Variants in GARNL3 observed in about 807,000 individuals in gnomAD.
The protein encoded by GARNL3 is GTPase-activating Rap/Ran-GAP domain-like protein 3.
GARNL3 carries 63 observed loss-of-function variants against 125.0 expected under a neutral mutation model. That is an observed-to-expected ratio of 0.50 (90% CI 0.41 to 0.62). GARNL3 has a LOEUF of 0.62. Among genes scored for constraint, GARNL3 ranks in the 20% least tolerant of loss-of-function variants. The pLI is 0.00. For missense variants in GARNL3, 994 were observed against 1,244.0 expected (o/e 0.80, Z 3.02); for synonymous variants, 439 against 457.5 (o/e 0.96, Z 0.52).
chr9:127,357,529 T>C, intron 21 of GARNL3, 152 bp downstream of exon 21: 1 of 747,644 alleles, frequency 1.3e-6, no homozygotes, highest in Non-Finnish European at 2.1e-6. Context: ...GACTGAGCCA[T>C]GTGAAGTTAC....
At chr9:127,341,661 A>G (rs1236881832) in intron 13 of GARNL3, among the ~76,000 whole-genome samples, 1 of 152,192 alleles carries the variant, frequency 6.6e-6, no homozygotes, top group East Asian at 1.9e-4. Flanking sequence ...AGGGGCCGCT[A>G]AAGACCTGTA....
At chr9:127,367,179 G>A (rs1330074260) in intron 22 of GARNL3, 3 of 152,106 alleles carry the variant, frequency 2.0e-5, no homozygotes, top group African/African-American at 4.8e-5. Flanking sequence ...CTCTCCCCAC[G>A]GTCATCCAGG....
upstream of GARNL3, among the ~76,000 whole-genome samples, chr9:127,260,718 C>T (rs760314879): frequency 5.3e-5 from 8 of 152,136 alleles, no homozygotes; most frequent in East Asian, 5.8e-4. Flanking sequence ...CAAAAACAAG[C>T]GCTGGGCTGA....
At position 127,266,768 on chromosome 9, in the gene GARNL3, C is replaced by T. The variant is rs962516150; in HGVS notation, c.144+1747C>T. On this transcript the variant is annotated intron_variant, in intron 1 of 27. Coordinates refer to ENST00000373387, the MANE Select transcript of GARNL3 (RefSeq NM_032293.5). This position sits in a 1 kb window ranked among gnomAD's most constrained non-coding sequence, Gnocchi z 4.0. ...TTCAGTAGCAAAAGTAGAGCCTTGA[C>T]TGTCAGGTGAACACTTTGGACTTGG... Among the ~76,000 whole-genome samples the T allele has an allele frequency of 6.6e-6, 1 of 152,226 alleles. No homozygotes were observed. The highest frequency in any genetic ancestry group is 1.5e-5 in the Non-Finnish European group (1 of 68,046).
chr9:127,312,189 A>G (rs991832710), intron 3 of GARNL3, among the ~76,000 whole-genome samples: 6 of 152,204 alleles, frequency 3.9e-5, no homozygotes, highest in African/African-American at 1.4e-4. Flanking sequence ...TCATTCATAC[A>G]TTCAACCATG....
At chr9:127,260,261 T>C (rs2779732), upstream of GARNL3, among the ~76,000 whole-genome samples, 92,431 of 152,040 alleles carry the variant, frequency 0.61, 30,969 homozygotes, top group Admixed American at 0.75. Context: ...TTAACAGGTT[T>C]CCCAGGATTC....
intron 2 of GARNL3, among the ~76,000 whole-genome samples, chr9:127,296,955 A>G (rs2064617301): frequency 6.6e-6 from 1 of 152,020 alleles, no homozygotes; most frequent in Admixed American, 6.6e-5. Context: ...CCTCCTTAGA[A>G]CAAAAGATGT....
chr9:127,290,998 T>A (rs1168818180), intron 1 of GARNL3, among the ~76,000 whole-genome samples, 170 bp from the exon 2 acceptor site: 1 of 152,242 alleles, frequency 6.6e-6, no homozygotes. Context: ...CCAAGGACAG[T>A]GGGAGCCAAC....
chr9:127,348,774 T>C (rs1041222104), intron 16 of GARNL3, 150 bp from the exon 17 acceptor site: 2 of 541,606 alleles, frequency 3.7e-6, no homozygotes, highest in Non-Finnish European at 3.2e-6. Flanking sequence ...GAAAGGTAAT[T>C]GAGTCCAGAC....
intron 1 of GARNL3, among the ~76,000 whole-genome samples, chr9:127,284,080 A>ATGTGGCTCTCG (rs1418602436): frequency 6.6e-6 from 1 of 152,134 alleles, no homozygotes; most frequent in Admixed American, 6.5e-5. Context: ...TGTGGCTCTC[A>ATGTGGCTCTCG]TGTGGCTCTC....
At chr9:127,328,569 T>C (rs1564144297) in intron 7 of GARNL3, among the ~76,000 whole-genome samples, 1 of 152,280 alleles carries the variant, frequency 6.6e-6, no homozygotes, top group East Asian at 1.9e-4. Flanking sequence ...CAAGCTGTAC[T>C]ACACATGGAG....
At chr9:127,324,125 C>T (rs1284444321) in intron 6 of GARNL3, among the ~76,000 whole-genome samples, 1 of 152,086 alleles carries the variant, frequency 6.6e-6, no homozygotes, top group Non-Finnish European at 1.5e-5. Context: ...ATGGTACACA[C>T]CCATAGTCCC....
chr9:127,298,651 C>T (rs1228858088), intron 2 of GARNL3, among the ~76,000 whole-genome samples: 3 of 152,010 alleles, frequency 2.0e-5, no homozygotes, highest in Non-Finnish European at 4.4e-5. Context: ...AAGTTTTATG[C>T]GAGACTGGTT....
chr9:127,338,052 C>T (rs1829648397), intron 11 of GARNL3, 64 bp from the exon 12 acceptor site: 1 of 1,226,434 alleles, frequency 8.2e-7, no homozygotes, highest in Non-Finnish European at 1.2e-6. Flanking sequence ...AAGGGATTTT[C>T]AGAGCGCAAG....
At chr9:127,228,821 GTTGT>G (rs900499074) in intron 1 of GARNL3, among the ~76,000 whole-genome samples, 8 of 151,828 alleles carry the variant, frequency 5.3e-5, no homozygotes, top group South Asian at 2.1e-4. Flanking sequence ...ATACTTTTTT[GTTGT>G]TTGTTTGTTT....
At chr9:127,355,036 G>A (rs1435799281) in intron 19 of GARNL3, among the ~76,000 whole-genome samples, 4 of 152,170 alleles carry the variant, frequency 2.6e-5, no homozygotes, top group Middle Eastern at 3.2e-3. Flanking sequence ...CAGGTTATTC[G>A]CCCGCCTCGG....
chr9:127,286,905 C>T (rs757713182), intron 1 of GARNL3, among the ~76,000 whole-genome samples: 7 of 152,162 alleles, frequency 4.6e-5, no homozygotes, highest in Non-Finnish European at 1.0e-4. Context: ...TTATTTCTCT[C>T]TCATATGCAG....
Position 127,226,592 on chromosome 9 carries a change from A to G in GARNL3, c.-29+2254A>G, listed in dbSNP as rs138277524. 1.2e-3 allele frequency among the ~76,000 whole-genome samples: 186 copies of G among 151,142 alleles called. 3 individuals carry two copies. Among genetic ancestry groups the G allele is most frequent in the South Asian group, 0.012 (55 of 4,758 alleles). ...TCATCTGGGCCCTTATTCATATCAC[A>G]CTCTTCTCTCTACTTAGAATTTTCT... On this transcript the variant is annotated intron_variant, in intron 1 of 10. Coordinates refer to the GARNL3 transcript ENST00000439286.
intron 16 of GARNL3, among the ~76,000 whole-genome samples, chr9:127,346,691 G>A (rs1830156854): frequency 6.6e-6 from 1 of 152,318 alleles, no homozygotes; most frequent in African/African-American, 2.4e-5. Context: ...CCCACCCGCA[G>A]GCCGTAGACC....
Sources: gnomAD v4.1 joint callset for allele counts (sites outside exome capture counted in the v4.1 genomes callset) on GRCh38, gnomAD v4.1.1 for gene constraint, Gnocchi (gnomAD v3.1) non-coding constraint, MANE v1.5 for transcripts, NCBI Gene and HGNC (gene_info 2026-07-23, HGNC 2026-07-21) for gene names.